SHISA9: variants seen among roughly 807,000 people sequenced by gnomAD.
The protein encoded by SHISA9 is shisa family member 9.
Under a neutral mutation model 38.0 loss-of-function variants are expected in SHISA9, and 13 were observed. That is an observed-to-expected ratio of 0.34 (90% CI 0.22 to 0.54). SHISA9 has a LOEUF of 0.54. SHISA9 is among the 20% of genes least tolerant of loss of function. SHISA9 has a pLI of 0.91. For missense variants in SHISA9, 538 were observed against 575.8 expected (o/e 0.93, Z 0.67); for synonymous variants, 275 against 242.0 (o/e 1.14, Z -1.27).
At chr16:13,306,499 C>T in the SHISA9 span, among the ~76,000 whole-genome samples, 1 of 152,060 alleles carries the variant, frequency 6.6e-6, no homozygotes, top group Non-Finnish European at 1.5e-5. Flanking sequence ...CATTGTGCAA[C>T]AAAACTTAAT....
the SHISA9 span, among the ~76,000 whole-genome samples, chr16:13,320,029 G>A: frequency 9.9e-5 from 15 of 151,670 alleles, no homozygotes; most frequent in Non-Finnish European, 1.8e-4. Flanking sequence ...ACGGTGGCTC[G>A]CACCCGTAAT....
chr16:13,332,723 C>T, the SHISA9 span: 1 of 152,290 alleles, frequency 6.6e-6, no homozygotes, highest in Admixed American at 6.5e-5. Context: ...AAAAATTCAA[C>T]AGGGTGTGAC....
the SHISA9 span, among the ~76,000 whole-genome samples, chr16:13,334,272 G>C: frequency 6.6e-6 from 1 of 152,186 alleles, no homozygotes; most frequent in Non-Finnish European, 1.5e-5. Context: ...AGTGGTTATT[G>C]GTGCAGATGT....
the SHISA9 span, among the ~76,000 whole-genome samples, chr16:13,421,819 C>G: frequency 3.9e-5 from 6 of 152,144 alleles, no homozygotes; most frequent in Admixed American, 2.6e-4. Flanking sequence ...CTCATAAAAC[C>G]TCTTATGTGC....
chr16:13,557,855 C>T, the SHISA9 span, among the ~76,000 whole-genome samples: 5 of 152,054 alleles, frequency 3.3e-5, no homozygotes, highest in Admixed American at 6.6e-5. Context: ...CTCCAGCCAC[C>T]GCAGCCTCAG....
chr16:13,361,923 C>T, the SHISA9 span, among the ~76,000 whole-genome samples: 31 of 152,082 alleles, frequency 2.0e-4, no homozygotes, highest in African/African-American at 5.1e-4. Flanking sequence ...TATCCTTTGT[C>T]ATTAAAAAGA....
At chr16:13,487,108 CCT>C in the SHISA9 span, among the ~76,000 whole-genome samples, 2 of 152,214 alleles carry the variant, frequency 1.3e-5, no homozygotes, top group South Asian at 4.1e-4. Flanking sequence ...ATGGTTTCCA[CCT>C]CTTTCTTCAT....
At chr16:13,372,074 C>A in the SHISA9 span, among the ~76,000 whole-genome samples, 1 of 152,218 alleles carries the variant, frequency 6.6e-6, no homozygotes, top group Non-Finnish European at 1.5e-5. Flanking sequence ...GGAGCTCCTA[C>A]ATAAATATCT....
intron 2 of SHISA9, among the ~76,000 whole-genome samples, chr16:13,061,452 G>A (rs2073375058): frequency 6.6e-6 from 1 of 152,192 alleles, no homozygotes; most frequent in Non-Finnish European, 1.5e-5. Flanking sequence ...ATCTAAGATT[G>A]TTACATATCA....
the SHISA9 span, among the ~76,000 whole-genome samples, chr16:13,452,570 C>CG: frequency 6.6e-6 from 1 of 152,168 alleles, no homozygotes; most frequent in Non-Finnish European, 1.5e-5. Context: ...ACTTACAGAT[C>CG]GGATGGGTGT....
the SHISA9 span, among the ~76,000 whole-genome samples, chr16:13,529,966 A>C: frequency 6.6e-6 from 1 of 152,238 alleles, no homozygotes; most frequent in African/African-American, 2.4e-5. Context: ...AGCTTACTAC[A>C]GACTTTTGGG....
the SHISA9 span, among the ~76,000 whole-genome samples, chr16:13,550,155 G>A: frequency 2.0e-5 from 3 of 152,116 alleles, no homozygotes; most frequent in Non-Finnish European, 4.4e-5. Flanking sequence ...GCAGGAGAGA[G>A]GTTGGAACAG....
chr16:13,187,176 T>C (rs1056903844), intron 2 of SHISA9, among the ~76,000 whole-genome samples: 7 of 152,194 alleles, frequency 4.6e-5, no homozygotes, highest in African/African-American at 1.4e-4. Flanking sequence ...GCCTATGGCC[T>C]GACAACTTAT....
At chr16:13,053,884 A>G (rs1316264819) in intron 2 of SHISA9, among the ~76,000 whole-genome samples, 3 of 152,160 alleles carry the variant, frequency 2.0e-5, no homozygotes, top group Admixed American at 6.5e-5. Context: ...ATGGTTAAAG[A>G]TTATGTATGA....
downstream of SHISA9, among the ~76,000 whole-genome samples, chr16:13,245,305 C>G (rs148975786): frequency 6.6e-6 from 1 of 152,302 alleles, no homozygotes; most frequent in East Asian, 1.9e-4. Context: ...CTCCCACCTA[C>G]TTTCATAAAC....
At chr16:13,530,272 G>A in the SHISA9 span, among the ~76,000 whole-genome samples, 32 of 152,264 alleles carry the variant, frequency 2.1e-4, no homozygotes, top group East Asian at 5.8e-3. Flanking sequence ...CTGCACTCCC[G>A]CCTGGGTGAC....
chr16:12,961,089 A>T (rs1465794881), intron 2 of SHISA9, among the ~76,000 whole-genome samples: 1 of 152,036 alleles, frequency 6.6e-6, no homozygotes, highest in African/African-American at 2.4e-5. Flanking sequence ...GGGTCAGGGG[A>T]CGTTTTCCTG....
At chr16:13,197,595 T>G (rs2050959688) in intron 2 of SHISA9, 1 of 152,210 alleles carries the variant, frequency 6.6e-6, no homozygotes. Flanking sequence ...ACGAGGCTCC[T>G]TCTCTGTCTT....
At chr16:13,445,055 T>A in the SHISA9 span, among the ~76,000 whole-genome samples, 1 of 144,890 alleles carries the variant, frequency 6.9e-6, no homozygotes. Flanking sequence ...GAGACAGGGG[T>A]CTTGTCTTGT....
Sources: gnomAD v4.1 joint callset for allele counts (sites outside exome capture counted in the v4.1 genomes callset) on GRCh38, gnomAD v4.1.1 for gene constraint, MANE v1.5 for transcripts, NCBI Gene and HGNC (gene_info 2026-07-23, HGNC 2026-07-21) for gene names.